Variants in FAT3 observed in about 807,000 individuals in gnomAD.
FAT3 encodes FAT atypical cadherin 3, also known as protocadherin Fat 3.
In FAT3, 95 loss-of-function variants were observed where a neutral mutation model predicts 310.2. The ratio of observed to expected loss-of-function variants is 0.31; its 90% CI spans 0.26 to 0.36. The LOEUF (loss-of-function observed/expected upper bound fraction) is 0.36. Among genes scored for constraint, FAT3 ranks in the 10% least tolerant of loss-of-function variants. FAT3 has a pLI of 1.00. For synonymous variants in FAT3, 2,314 were observed against 2,192.9 expected (o/e 1.06, Z -1.54); for missense variants, 5,408 against 5,715.6 (o/e 0.95, Z 1.74).
At chr11:92,272,595 G>A (rs999335601) in intron 1 of FAT3, among the ~76,000 whole-genome samples, 1 of 152,014 alleles carries the variant, frequency 6.6e-6, no homozygotes, top group Non-Finnish European at 1.5e-5. Context: ...TTAAAGGGGG[G>A]AAATCACAAG....
At chr11:92,551,771 T>C (rs552287399) in intron 3 of FAT3, among the ~76,000 whole-genome samples, 175 of 152,302 alleles carry the variant, frequency 1.1e-3, no homozygotes, top group Middle Eastern at 3.4e-3. Flanking sequence ...ACTTCTCAAG[T>C]GTTTTGTGTT....
chr11:92,594,025 T>C (rs370906330), intron 3 of FAT3, among the ~76,000 whole-genome samples: 17 of 152,302 alleles, frequency 1.1e-4, no homozygotes, highest in African/African-American at 3.8e-4. Context: ...TTTTCCCATC[T>C]GTAAACAGGG....
Position 92,620,127 on chromosome 11 carries a change from G to A in FAT3, c.3608-77257G>A, listed in dbSNP as rs117225613. Among the ~76,000 whole-genome samples the A allele has an allele frequency of 3.3e-4, 50 of 152,164 alleles. No individual in the cohort carries two copies. The East Asian group carries it at 7.1e-3, about 22-fold the overall frequency. On this transcript the variant is annotated intron_variant, in intron 3 of 27. Coordinates refer to ENST00000525166, the MANE Select transcript of FAT3 (RefSeq NM_001367949.2). ...ATTGACCCATTGATTATTTAGGAGT[G>A]TGTTGTTTAATTTTCACATATATGA...
chr11:92,572,162 T>C (rs546427709), intron 3 of FAT3, among the ~76,000 whole-genome samples: 274 of 152,310 alleles, frequency 1.8e-3, no homozygotes, highest in African/African-American at 6.3e-3. Context: ...GTGTACCTTA[T>C]GGTGAAATGC....
chr11:92,396,790 T>G (rs1256335596), intron 2 of FAT3, among the ~76,000 whole-genome samples: 3 of 152,174 alleles, frequency 2.0e-5, no homozygotes, highest in African/African-American at 7.2e-5. Context: ...CACTGCAACC[T>G]CCACCCTCGG....
chr11:92,719,139 G>C (rs1270824808), intron 4 of FAT3, among the ~76,000 whole-genome samples: 1 of 152,150 alleles, frequency 6.6e-6, no homozygotes, highest in Non-Finnish European at 1.5e-5. Flanking sequence ...TAAAGGTACT[G>C]CTCAGCACAT....
At chr11:92,872,169 G>T (rs766044706) in intron 22 of FAT3, among the ~76,000 whole-genome samples, 13 of 152,142 alleles carry the variant, frequency 8.5e-5, no homozygotes, top group Non-Finnish European at 1.9e-4. Flanking sequence ...AGCACTTTGG[G>T]GCCACTTTGG....
At chr11:92,659,485 C>G (rs1043023144) in intron 3 of FAT3, among the ~76,000 whole-genome samples, 6 of 152,206 alleles carry the variant, frequency 3.9e-5, no homozygotes, top group African/African-American at 1.4e-4. Flanking sequence ...AAGGATTCTA[C>G]TTCCACTTTT....
intron 4 of FAT3, among the ~76,000 whole-genome samples, chr11:92,708,538 G>C (rs935002191): frequency 2.6e-5 from 4 of 152,190 alleles, no homozygotes; most frequent in African/African-American, 9.7e-5. Context: ...CACATGCATT[G>C]CACATGTTAA....
intron 19 of FAT3, among the ~76,000 whole-genome samples, chr11:92,854,281 T>C (rs7940228): frequency 0.78 from 118,159 of 152,092 alleles, 46,134 homozygotes; most frequent in South Asian, 0.9. Context: ...CAGGCACTTC[T>C]GAGCTTGCAG....
chr11:92,815,946 G>A (rs1248936551), intron 13 of FAT3, among the ~76,000 whole-genome samples: 3 of 152,350 alleles, frequency 2.0e-5, no homozygotes, highest in South Asian at 4.1e-4. Flanking sequence ...GAAGAATGTG[G>A]TAATAAAGTC....
Position 92,799,277 on chromosome 11 carries a change from A to T in FAT3, c.6264A>T (p.Pro2088=). 1 of 1,613,972 alleles carries T rather than the reference A, an allele frequency of 6.2e-7. No homozygotes were observed. The highest frequency in any genetic ancestry group is 8.5e-7 in the Non-Finnish European group (1 of 1,179,870). The change falls in exon 10 of 28, where the codon CCA becomes CCT. Residue 2088 remains proline (P), a synonymous_variant. Coordinates refer to ENST00000525166, the MANE Select transcript of FAT3 (RefSeq NM_001367949.2). ...ATTCTCCAGTCTTTGTGGGCCTCCCATACTATGCTGCTGTTCAAGTGGATG... is the reference window on the plus strand; with the variant it reads ...ATTCTCCAGTCTTTGTGGGCCTCCCTTACTATGCTGCTGTTCAAGTGGATG... ...NDNSPVFVGL[P]YYAAVQVDAE... is the part of the protein sequence containing the mutation.
At chr11:92,697,962 A>C in intron 4 of FAT3, among the ~76,000 whole-genome samples, 1 of 152,318 alleles carries the variant, frequency 6.6e-6, no homozygotes, top group South Asian at 2.1e-4. Flanking sequence ...AATCAACTCT[A>C]AAAGTGTTAT....
intron 6 of FAT3, 97 bp from the exon 7 acceptor site, chr11:92,773,944 A>C: frequency 7.0e-7 from 1 of 1,434,192 alleles, no homozygotes; most frequent in East Asian, 2.3e-5. Context: ...CCTGTCAAAA[A>C]AAATTTCTGT....
intron 1 of FAT3, among the ~76,000 whole-genome samples, chr11:92,299,309 A>G (rs149150238): frequency 0.013 from 1,998 of 152,260 alleles, 15 homozygotes; most frequent in Middle Eastern, 0.02. Context: ...ACCTGGAGTC[A>G]GGAAATTCAC....
intron 13 of FAT3, among the ~76,000 whole-genome samples, chr11:92,820,940 C>T (rs532284278): frequency 1.3e-5 from 2 of 152,254 alleles, no homozygotes; most frequent in South Asian, 2.1e-4. Flanking sequence ...GGAACAAGGG[C>T]TCTTGTGCAG....
chr11:92,727,669 G>T (rs1403235284), intron 4 of FAT3, among the ~76,000 whole-genome samples: 1 of 152,164 alleles, frequency 6.6e-6, no homozygotes, highest in Non-Finnish European at 1.5e-5. Context: ...ACTGCCTAAG[G>T]AGCAGTGACT....
At chr11:92,684,773 G>A (rs1014260478) in intron 3 of FAT3, among the ~76,000 whole-genome samples, 6 of 151,984 alleles carry the variant, frequency 3.9e-5, no homozygotes, top group South Asian at 2.1e-4. Context: ...CCATAGAGCC[G>A]GTATTTGCAG....
intron 3 of FAT3, among the ~76,000 whole-genome samples, chr11:92,575,497 A>G (rs1342501432): frequency 6.6e-6 from 1 of 152,190 alleles, no homozygotes; most frequent in African/African-American, 2.4e-5. Context: ...AGTACAAAGT[A>G]TATCAATCCT....
Sources: gnomAD v4.1 joint callset for allele counts (sites outside exome capture counted in the v4.1 genomes callset) on GRCh38, gnomAD v4.1.1 for gene constraint, MANE v1.5 for transcripts, NCBI Gene and HGNC (gene_info 2026-07-23, HGNC 2026-07-21) for gene names.